TRARG1: variants seen among roughly 807,000 people sequenced by gnomAD.
TRARG1 encodes trafficking regulator of GLUT4 1.
TRARG1 carries 16 observed loss-of-function variants against 13.3 expected under a neutral mutation model. The ratio of observed to expected loss-of-function variants is 1.20; its 90% CI spans 0.81 to 1.83. The LOEUF is 1.83. Ranked by LOEUF, TRARG1 falls within the 40% of genes most tolerant of loss-of-function variation. TRARG1 has a pLI of 0.00. For missense variants in TRARG1, 250 were observed against 237.4 expected, an observed-to-expected ratio of 1.05 and a Z score of -0.35; for synonymous variants, 113 against 106.2, an observed-to-expected ratio of 1.06 and a Z score of -0.39.
chr17:1,300,702 G>A lies in TRARG1; in HGVS notation c.*2438G>A, dbSNP rs78980174. On this transcript the variant is annotated 3_prime_UTR_variant, in exon 3 of 3. Transcript: ENST00000333813. Reference sequence around the variant, plus strand: ...GGAGAAGGGCTTGGGCCCTGGAGGAGAAAGCCATTCTGGACACCAGGGGAC... The same window carrying A: ...GGAGAAGGGCTTGGGCCCTGGAGGAAAAAGCCATTCTGGACACCAGGGGAC... 2 of 152,564 alleles carry A rather than the reference G, an allele frequency of 1.3e-5. No homozygotes were observed. The highest frequency in any genetic ancestry group is 4.8e-5 in the African/African-American group (2 of 41,472). 9.5% of individuals were successfully genotyped at this position (152,564 alleles called of 1,614,324 possible).
chr17:1,281,938 G>T (rs555488798), intron 1 of TRARG1, among the ~76,000 whole-genome samples: 12 of 151,730 alleles, frequency 7.9e-5, no homozygotes, highest in African/African-American at 2.7e-4. Context: ...ATACATACAT[G>T]TACATATATG....
chr17:1,288,006 A>G (rs2072035897), intron 1 of TRARG1, among the ~76,000 whole-genome samples: 1 of 151,920 alleles, frequency 6.6e-6, no homozygotes, highest in South Asian at 2.1e-4. Context: ...TCCACAGGCC[A>G]TCCCTGAACT....
rs1302528382 is a variant in TRARG1 at position 1,298,505 on chromosome 17, C to T, written c.*241C>T. ...GGGTAACGTGGTTTACTCTCCCGGACGCGTCCTGGGATCTCAACCCCAGCA... is the reference window on the plus strand; with the variant it reads ...GGGTAACGTGGTTTACTCTCCCGGATGCGTCCTGGGATCTCAACCCCAGCA... On this transcript the variant is annotated 3_prime_UTR_variant, in exon 3 of 3. Transcript: ENST00000333813. 1.7e-5 allele frequency: 8 copies of T among 458,072 alleles called. No individual in the cohort carries two copies. The highest frequency in any genetic ancestry group is 7.9e-5 in the African/African-American group (4 of 50,756). The allele number at this position is 458,072 out of a possible 1,614,324, so 28.4% of individuals were successfully genotyped here. A position where few individuals can be genotyped will look rare whatever the true frequency, so the allele number is the denominator to read the frequency against.
rs77495322 is a variant in TRARG1 at position 1,286,885 on chromosome 17, C to T, written c.387+6497C>T. Among the ~76,000 whole-genome samples, 1,060 of 145,122 alleles carry T rather than the reference C, an allele frequency of 7.3e-3. 13 individuals are homozygous for T. Among genetic ancestry groups the T allele is most frequent in the African/African-American group, 0.025 (981 of 39,466 alleles). On this transcript the variant is annotated intron_variant, in intron 1 of 2. Coordinates refer to ENST00000333813, the MANE Select transcript of TRARG1 (RefSeq NM_172367.3). ...CTGTGGAGTGTTGTTATTGGCCAGCCGGGTGTGATTTGCTCCAGCTGTAGG... is the reference window on the plus strand; with the variant it reads ...CTGTGGAGTGTTGTTATTGGCCAGCTGGGTGTGATTTGCTCCAGCTGTAGG...
chr17:1,285,822 C>G (rs925528944), intron 1 of TRARG1, among the ~76,000 whole-genome samples: 1 of 151,194 alleles, frequency 6.6e-6, no homozygotes, highest in Admixed American at 6.6e-5. Context: ...GGGGGAGGGC[C>G]GAGGGGAGTG....
chr17:1,281,427 G>A (rs891512152), intron 1 of TRARG1, among the ~76,000 whole-genome samples: 1 of 152,082 alleles, frequency 6.6e-6, no homozygotes, highest in African/African-American at 2.4e-5. Context: ...CGAACCCCCA[G>A]GAGCTGTCCT....
rs113697560 is a variant in TRARG1, at chr17:1,279,805, G to A, written c.-197G>A. ...GGAGCTCCGCGGGGGCAGCAGGCAG[G>A]CCCCAGCCTCTGAACTCAGCTGGCT... On this transcript the variant is annotated 5_prime_UTR_variant, in exon 1 of 3. Coordinates refer to ENST00000333813, the MANE Select transcript of TRARG1 (RefSeq NM_172367.3). 1.8e-6 allele frequency: 1 copy of A among 569,234 alleles called. No homozygotes were observed. Among genetic ancestry groups the A allele is most frequent in the South Asian group, 3.2e-5 (1 of 31,580 alleles). The allele number at this position is 569,234 out of a possible 1,614,324, so 35.3% of individuals were successfully genotyped here.
At chr17:1,294,468 C>CTCTTT (rs2072096281) in intron 1 of TRARG1, among the ~76,000 whole-genome samples, 1 of 113,446 alleles carries the variant, frequency 8.8e-6, no homozygotes, top group African/African-American at 3.6e-5. Context: ...AAGACAGTGT[C>CTCTTT]TTTTTTTTTT....
chr17:1,294,932 C>T (rs1231174504), intron 1 of TRARG1, among the ~76,000 whole-genome samples: 5 of 152,194 alleles, frequency 3.3e-5, no homozygotes, highest in Non-Finnish European at 2.9e-5. Context: ...GATCTGCCCG[C>T]CTCAGCCTCT....
chr17:1,286,419 A>G (rs112988259), intron 1 of TRARG1, among the ~76,000 whole-genome samples: 2,618 of 125,688 alleles, frequency 0.021, 30 homozygotes, highest in Middle Eastern at 0.074. Context: ...GGTTGTTATC[A>G]GCCTGTGGGG....
intron 1 of TRARG1, among the ~76,000 whole-genome samples, chr17:1,281,957 T>C (rs937040046): frequency 1.3e-5 from 2 of 151,368 alleles, no homozygotes; most frequent in Admixed American, 1.3e-4. Context: ...TGCACATACA[T>C]GTACATATAT....
chr17:1,280,307 A>G lies in TRARG1; in HGVS notation c.306A>G (p.Arg102=), dbSNP rs370161734. The G allele has an allele frequency of 7.4e-6, 12 of 1,613,838 alleles. No homozygotes were observed. In the African/African-American group the frequency reaches 1.6e-4, roughly 22 times the overall value. The change falls in exon 1 of 3, where the codon AGA becomes AGG. Residue 102 remains arginine (R), a synonymous_variant. Coordinates refer to ENST00000333813, the MANE Select transcript of TRARG1 (RefSeq NM_172367.3). ...TSYAQDQEAP[R]DYLILAVVAC... The stretch of plus-strand genomic sequence containing the variant: ...ATGCCCAAGACCAAGAAGCCCCCAG[A>G]GATTACCTCATCCTGGCCGTCGTCG...
Position 1,295,530 on chromosome 17 carries a change from C to G in TRARG1, c.427C>G (p.Arg143Gly), listed in dbSNP as rs1411811214. ...SMQQGNVDGA[R>G]RLGRLARLLS... ...GCAACAGGGCAACGTGGACGGCGCC[C>G]GGAGGCTGGGCCGCCTGGCTCGGCT... is the stretch of plus-strand genomic sequence containing the variant. The change falls in exon 2 of 3, where the codon CGG (arginine) becomes GGG (glycine). Residue 143 changes from arginine (R) to glycine (G), a missense_variant. Transcript: ENST00000333813. The G allele has an allele frequency of 3.7e-6, 6 of 1,612,300 alleles. No homozygotes were observed. The highest frequency in any genetic ancestry group is 5.1e-6 in the Non-Finnish European group (6 of 1,179,450).
At chr17:1,285,373 T>C (rs1045537208) in intron 1 of TRARG1, among the ~76,000 whole-genome samples, 3 of 151,686 alleles carry the variant, frequency 2.0e-5, no homozygotes, top group Admixed American at 6.6e-5. Context: ...ATTGTGCCAC[T>C]GCACTCCAGC....
intron 1 of TRARG1, among the ~76,000 whole-genome samples, chr17:1,291,218 C>T (rs1358981090): frequency 6.6e-6 from 1 of 152,200 alleles, no homozygotes; most frequent in East Asian, 1.9e-4. Flanking sequence ...TCAAGTAATT[C>T]TCCTGCTTCA....
At chr17:1,288,481 A>G in intron 1 of TRARG1, among the ~76,000 whole-genome samples, 1 of 49,980 alleles carries the variant, frequency 2.0e-5, no homozygotes, top group Non-Finnish European at 3.6e-5. Context: ...CGGGTTCCCC[A>G]TCCCCCATGG....
intron 1 of TRARG1, among the ~76,000 whole-genome samples, chr17:1,289,910 C>G (rs931226707): frequency 6.6e-6 from 1 of 151,960 alleles, no homozygotes; most frequent in Admixed American, 6.5e-5. Flanking sequence ...AGCACCCAAG[C>G]TGGGAACCTG....
chr17:1,297,258 T>C (rs949237080), intron 2 of TRARG1, among the ~76,000 whole-genome samples: 5 of 152,068 alleles, frequency 3.3e-5, no homozygotes, highest in African/African-American at 1.2e-4. Context: ...AGCCCAACCG[T>C]CAACGTTGGG....
At chr17:1,290,677 C>T (rs1292435235) in intron 1 of TRARG1, among the ~76,000 whole-genome samples, 1 of 152,096 alleles carries the variant, frequency 6.6e-6, no homozygotes, top group African/African-American at 2.4e-5. Flanking sequence ...TGCTCTGCCC[C>T]CATCTCTTCG....
Sources: allele counts gnomAD v4.1 joint callset (sites outside exome capture counted in the v4.1 genomes callset), GRCh38; gene constraint gnomAD v4.1.1; transcripts MANE v1.5; gene names NCBI Gene and HGNC (gene_info 2026-07-23, HGNC 2026-07-21).